Variants in CACNA1E observed in about 807,000 individuals in gnomAD.
CACNA1E encodes the protein calcium voltage-gated channel subunit alpha1 E, also known as voltage-dependent R-type calcium channel subunit alpha-1E.
Under a neutral mutation model 259.2 loss-of-function variants are expected in CACNA1E, and 40 were observed. The ratio of observed to expected loss-of-function variants is 0.15; its 90% CI spans 0.12 to 0.20. CACNA1E has a LOEUF of 0.20. CACNA1E is among the 10% of genes least tolerant of loss of function. The pLI is 1.00. For synonymous variants in CACNA1E, 1,104 were observed against 1,138.5 expected (o/e 0.97, Z 0.61); for missense variants, 1,874 against 3,040.1 (o/e 0.62, Z 9.02).
intron 2 of CACNA1E, among the ~76,000 whole-genome samples, chr1:181,475,721 C>T (rs987433174): frequency 6.6e-6 from 1 of 152,200 alleles, no homozygotes; most frequent in Non-Finnish European, 1.5e-5. Context: ...GACAATGTAA[C>T]ATGCATAGCA....
At chr1:181,339,680 C>A (rs558209616) in intron 1 of CACNA1E, among the ~76,000 whole-genome samples, 2 of 151,974 alleles carry the variant, frequency 1.3e-5, no homozygotes, top group African/African-American at 2.4e-5. Context: ...TCTTGACTAT[C>A]TGAGAGATAA....
At chr1:181,586,175 G>A (rs114039028) in intron 6 of CACNA1E, among the ~76,000 whole-genome samples, 1,588 of 152,310 alleles carry the variant, frequency 0.01, 31 homozygotes, top group African/African-American at 0.036. Context: ...TTGGGAGAAA[G>A]CAGCAAGAAG....
At chr1:181,417,261 CAT>C (rs891146117) in intron 2 of CACNA1E, among the ~76,000 whole-genome samples, 1 of 152,154 alleles carries the variant, frequency 6.6e-6, no homozygotes, top group Non-Finnish European at 1.5e-5. Flanking sequence ...AAGCACCAAA[CAT>C]ATTTTCCAGA....
chr1:181,756,771 C>T (rs2102688384), intron 29 of CACNA1E, among the ~76,000 whole-genome samples, 154 bp from the exon 30 acceptor site: 1 of 152,184 alleles, frequency 6.6e-6, no homozygotes, highest in East Asian at 1.9e-4. Context: ...TTGTTGATAG[C>T]AGGATATGAC....
At chr1:181,598,750 C>T (rs1653447166) in intron 6 of CACNA1E, among the ~76,000 whole-genome samples, 1 of 152,134 alleles carries the variant, frequency 6.6e-6, no homozygotes, top group African/African-American at 2.4e-5. Flanking sequence ...AGAGTTCATC[C>T]CTTTCATGCC....
chr1:181,672,849 A>T (rs1328360730), intron 7 of CACNA1E, among the ~76,000 whole-genome samples: 1 of 152,208 alleles, frequency 6.6e-6, no homozygotes, highest in Non-Finnish European at 1.5e-5. Flanking sequence ...TGTATTTGAG[A>T]TCATGCACCT....
At chr1:181,760,808 C>A (rs1386922055) in intron 32 of CACNA1E, among the ~76,000 whole-genome samples, 1 of 152,208 alleles carries the variant, frequency 6.6e-6, no homozygotes, top group Non-Finnish European at 1.5e-5. Flanking sequence ...CTACACTGCA[C>A]TGTACTATTC....
intron 6 of CACNA1E, among the ~76,000 whole-genome samples, chr1:181,633,893 G>A (rs961080814): frequency 3.9e-5 from 6 of 152,184 alleles, no homozygotes; most frequent in Admixed American, 6.5e-5. Flanking sequence ...GAGGTTAAGG[G>A]ATTTACCCGA....
chr1:181,657,741 C>A (rs1169384046), intron 7 of CACNA1E, among the ~76,000 whole-genome samples: 4 of 152,184 alleles, frequency 2.6e-5, no homozygotes, highest in Non-Finnish European at 5.9e-5. Flanking sequence ...CGACGTGGTA[C>A]TAAGAGCCTG....
intron 6 of CACNA1E, among the ~76,000 whole-genome samples, chr1:181,623,493 A>G (rs1157133406): frequency 2.0e-5 from 3 of 152,204 alleles, no homozygotes; most frequent in Non-Finnish European, 4.4e-5. Context: ...ATAACATTAT[A>G]TAGATTTCGT....
chr1:181,414,939 T>C (rs1349857135), intron 2 of CACNA1E, among the ~76,000 whole-genome samples: 1 of 152,188 alleles, frequency 6.6e-6, no homozygotes, highest in Non-Finnish European at 1.5e-5. Flanking sequence ...AGAGCACTGG[T>C]GTTGGGGTTT....
intron 2 of CACNA1E, among the ~76,000 whole-genome samples, chr1:181,448,476 C>A (rs892862827): frequency 2.0e-5 from 3 of 152,300 alleles, no homozygotes; most frequent in South Asian, 4.2e-4. Context: ...TCTCTTTCCA[C>A]CACATCATAT....
At chr1:181,674,103 G>A (rs1649099457) in intron 7 of CACNA1E, among the ~76,000 whole-genome samples, 1 of 151,890 alleles carries the variant, frequency 6.6e-6, no homozygotes, top group Non-Finnish European at 1.5e-5. Flanking sequence ...CAGAGGGCTG[G>A]GCGCGGTGGC....
At position 181,785,395 on chromosome 1, in the gene CACNA1E, C is replaced by A; in HGVS notation, c.5656C>A (p.Gln1886Lys). The A allele has an allele frequency of 6.2e-7, 1 of 1,611,608 alleles. No homozygotes were observed. Among genetic ancestry groups the A allele is most frequent in the Non-Finnish European group, 8.5e-7 (1 of 1,178,096 alleles). The change falls in exon 42 of 48, where the codon CAG becomes AAG. Residue 1886 changes from glutamine to lysine, a missense_variant. Gln to Lys is a moderately conservative substitution (Grantham distance 53). Transcript: ENST00000367573. ...CTATAAGCAGAGTAAGGTGAAGAAG[C>A]AGAGGCAGCAGCTGGAGGAACAGGT... ...DYYKQSKVKKQRQQLEEQKNA... is the reference protein window; with the variant it reads ...DYYKQSKVKKKRQQLEEQKNA...
At chr1:181,517,042 G>A (rs1666639619) in intron 3 of CACNA1E, among the ~76,000 whole-genome samples, 1 of 152,212 alleles carries the variant, frequency 6.6e-6, no homozygotes, top group Non-Finnish European at 1.5e-5. Context: ...CAGGTACTGT[G>A]TTTGGTGTGG....
At chr1:181,760,085 G>A (rs1658443072) in intron 32 of CACNA1E, among the ~76,000 whole-genome samples, 1 of 152,252 alleles carries the variant, frequency 6.6e-6, no homozygotes, top group Non-Finnish European at 1.5e-5. Context: ...CTGAGAGAGA[G>A]GGAGACGCAA....
chr1:181,719,684 G>A (rs1189791977), intron 12 of CACNA1E, 67 bp from the exon 13 acceptor site: 4 of 783,834 alleles, frequency 5.1e-6, no homozygotes, highest in South Asian at 1.7e-5. Flanking sequence ...ATGGTGTGCT[G>A]GGCGCTAGAA....
chr1:181,735,917 A>G (rs1303552642), intron 21 of CACNA1E, among the ~76,000 whole-genome samples: 1 of 152,168 alleles, frequency 6.6e-6, no homozygotes, highest in Non-Finnish European at 1.5e-5. Flanking sequence ...GTAAGTGAGC[A>G]TGTACAAAGA....
At chr1:181,358,334 G>T (rs541868205) in intron 1 of CACNA1E, among the ~76,000 whole-genome samples, 1 of 152,174 alleles carries the variant, frequency 6.6e-6, no homozygotes, top group East Asian at 1.9e-4. Context: ...TTGGAACCTG[G>T]AAGTGTATGA....
Sources: gnomAD v4.1 joint callset for allele counts (sites outside exome capture counted in the v4.1 genomes callset) on GRCh38, gnomAD v4.1.1 for gene constraint, MANE v1.5 for transcripts, NCBI Gene and HGNC (gene_info 2026-07-23, HGNC 2026-07-21) for gene names.